FUNDC1: variants seen among roughly 807,000 people sequenced by gnomAD.
FUNDC1 encodes the protein FUN14 domain containing 1.
FUNDC1 carries 10 observed loss-of-function variants against 14.5 expected under a neutral mutation model. The observed-to-expected ratio is 0.69, with a 90% CI of 0.43 to 1.17. The LOEUF is 1.17. Ranked by LOEUF, FUNDC1 falls within the 50% of genes most tolerant of loss-of-function variation. The pLI is 0.00. For synonymous variants in FUNDC1, 33 were observed against 39.7 expected, an observed-to-expected ratio of 0.83 and a Z score of 0.64; for missense variants, 115 against 113.8, an observed-to-expected ratio of 1.01 and a Z score of -0.05.
At position 44,538,475 on chromosome X, in the gene FUNDC1, G is replaced by A; in HGVS notation, c.253C>T (p.Leu85Phe). Residue 85 changes from leucine (L) to phenylalanine (F), a missense_variant, in exon 3 of 5, where the codon CTT (leucine) becomes TTT (phenylalanine). Transcript: ENST00000378045. ...AATAVGGGFL[L>F]LQIASHSGYV... ...TTAAAGCTCTGACATACCTGAAGAAGAAGAAAGCCACCACCTACTGCAGTT... is the reference window on the plus strand; with the variant it reads ...TTAAAGCTCTGACATACCTGAAGAAAAAGAAAGCCACCACCTACTGCAGTT... The A allele has an allele frequency of 8.3e-7, 1 of 1,205,268 alleles. No individual in the cohort carries two copies. Among genetic ancestry groups the A allele is most frequent in the Non-Finnish European group, 1.1e-6 (1 of 889,683 alleles).
chrX:44,532,713 C>T (rs974772720), intron 3 of FUNDC1, among the ~76,000 whole-genome samples: 6 of 109,012 alleles, frequency 5.5e-5, no homozygotes, highest in African/African-American at 1.7e-4. Context: ...CCACCATGCC[C>T]GGCTAATTTT....
intron 3 of FUNDC1, among the ~76,000 whole-genome samples, chrX:44,529,602 A>C (rs928086441): frequency 3.6e-5 from 4 of 111,455 alleles, no homozygotes; most frequent in African/African-American, 1.3e-4. Context: ...TAAATAAATG[A>C]TAACAAAGAC....
At chrX:44,525,707 G>T (rs1372749764) in intron 4 of FUNDC1, among the ~76,000 whole-genome samples, 3 of 108,319 alleles carry the variant, frequency 2.8e-5, no homozygotes, top group Non-Finnish European at 3.8e-5. Context: ...ATAAAAATTA[G>T]CTGGGCATGC....
At chrX:44,541,675 C>T (rs1468847427) in intron 2 of FUNDC1, among the ~76,000 whole-genome samples, 4 of 111,046 alleles carry the variant, frequency 3.6e-5, no homozygotes, top group African/African-American at 1.3e-4. Context: ...ACGACATTTG[C>T]TGAACATGAG....
At chrX:44,532,880 G>A (rs1281197947) in intron 3 of FUNDC1, among the ~76,000 whole-genome samples, 4 of 111,859 alleles carry the variant, frequency 3.6e-5, no homozygotes, top group Non-Finnish European at 7.5e-5. Flanking sequence ...CTTTGTCTTA[G>A]ACAAGTGTGC....
chrX:44,532,535 G>GTA (rs1326092760), intron 3 of FUNDC1, among the ~76,000 whole-genome samples: 1 of 107,502 alleles, frequency 9.3e-6, no homozygotes, highest in Non-Finnish European at 1.9e-5. Context: ...ATATATGTGT[G>GTA]TGTGTGTGTA....
chrX:44,542,702 A>T, intron 1 of FUNDC1, 103 bp downstream of exon 1: 1 of 814,669 alleles, frequency 1.2e-6, no homozygotes, highest in Non-Finnish European at 1.7e-6. Context: ...AAAAAAATGG[A>T]GCTCGAAGAA....
At chrX:44,525,963 G>A (rs113570527) in intron 4 of FUNDC1, among the ~76,000 whole-genome samples, 7 of 107,313 alleles carry the variant, frequency 6.5e-5, no homozygotes, top group African/African-American at 2.0e-4. Context: ...TTGGGAGGCC[G>A]AGGCATCATG....
Position 44,542,813 on chromosome X carries a change from G to T in FUNDC1, c.20C>A (p.Pro7His), listed in dbSNP as rs750727849. The change falls in exon 1 of 5, where the codon CCT (proline) becomes CAT (histidine). Residue 7 changes from proline (P) to histidine (H), a missense_variant. Transcript: ENST00000378045. MATRNP[P>H]PQDYESDDDS... The stretch of plus-strand genomic sequence containing the variant: ...GGGCCCTGGCCGCTCACCTTGGGGA[G>T]GGGGGTTCCGGGTCGCCATGATACC... 2 of 1,168,581 alleles carry T rather than the reference G, an allele frequency of 1.7e-6. No homozygotes were observed. Among genetic ancestry groups the T allele is most frequent in the South Asian group, 1.9e-5 (1 of 52,566 alleles).
chrX:44,531,765 A>AACACACACACACAC (rs143142516), intron 3 of FUNDC1, among the ~76,000 whole-genome samples: 35 of 87,399 alleles, frequency 4.0e-4, no homozygotes, highest in East Asian at 2.7e-3. Flanking sequence ...AGAAGCTTAA[A>AACACACACACACAC]ACACACACAC....
intron 3 of FUNDC1, among the ~76,000 whole-genome samples, chrX:44,531,765 AACAC>A (rs143142516): frequency 0.3 from 26,303 of 86,930 alleles, 3,137 homozygotes; most frequent in South Asian, 0.5. Context: ...AGAAGCTTAA[AACAC>A]ACACACACAC....
chrX:44,526,969 G>A (rs2038904747), intron 4 of FUNDC1, among the ~76,000 whole-genome samples: 1 of 108,489 alleles, frequency 9.2e-6, no homozygotes, highest in Non-Finnish European at 1.9e-5. Flanking sequence ...GAAATATGTT[G>A]AAAAGAATGT....
At chrX:44,527,945 C>A (rs920521714) in intron 3 of FUNDC1, among the ~76,000 whole-genome samples, 13 of 111,156 alleles carry the variant, frequency 1.2e-4, no homozygotes, top group Non-Finnish European at 2.1e-4. Flanking sequence ...GAATATAAAA[C>A]AAACTGCACT....
At chrX:44,524,427 A>T (rs1601899265) in intron 4 of FUNDC1, 152 bp from the exon 5 acceptor site, 2 of 437,269 alleles carry the variant, frequency 4.6e-6, no homozygotes, top group East Asian at 3.9e-5. Context: ...AATACAGATC[A>T]TTAAGAGCTG....
chrX:44,534,694 A>T (rs1366681039), intron 3 of FUNDC1, among the ~76,000 whole-genome samples: 1 of 112,147 alleles, frequency 8.9e-6, no homozygotes, highest in Non-Finnish European at 1.9e-5. Flanking sequence ...AAGACAATGG[A>T]GCAATACCTA....
chrX:44,526,120 AC>A (rs1417052018), intron 4 of FUNDC1, among the ~76,000 whole-genome samples: 177 of 7,864 alleles, frequency 0.023, no homozygotes, highest in Admixed American at 0.098. Context: ...CTCAAAAAAA[AC>A]AAAAAAAAAA....
intron 2 of FUNDC1, 56 bp from the exon 3 acceptor site, chrX:44,538,598 T>C: frequency 1.1e-6 from 1 of 872,956 alleles, no homozygotes; most frequent in Admixed American, 2.4e-5. Context: ...ACCCTCTCCC[T>C]CTTCTACTTT....
Position 44,527,376 on chromosome X carries a change from TATA to T in FUNDC1, c.262-14_262-12del. 1.0e-5 allele frequency: 12 copies of T among 1,158,053 alleles called. No individual in the cohort carries two copies. The highest frequency in any genetic ancestry group is 1.4e-5 in the Non-Finnish European group (12 of 861,955). On this transcript the variant is annotated splice_polypyrimidine_tract_variant and intron_variant, in intron 3 of 4. Transcript: ENST00000378045. ...ACTATGACTAGCAATCTGCAAAAAATATAATAAAAATTATCAATACTATACCAA... is the reference window on the plus strand; with the variant it reads ...ACTATGACTAGCAATCTGCAAAAAATATAAAAATTATCAATACTATACCAA...
chrX:44,524,351 G>T, intron 4 of FUNDC1, 76 bp from the exon 5 acceptor site: 1 of 675,125 alleles, frequency 1.5e-6, no homozygotes, highest in Non-Finnish European at 2.4e-6. Flanking sequence ...TATGCAAAGT[G>T]AAATAAGGTA....
Sources: allele counts gnomAD v4.1 joint callset (sites outside exome capture counted in the v4.1 genomes callset), GRCh38; gene constraint gnomAD v4.1.1; transcripts MANE v1.5; gene names NCBI Gene and HGNC (gene_info 2026-07-23, HGNC 2026-07-21).